The following BEND7 variants were observed in gnomAD, a reference collection of about 807,000 sequenced individuals.
The protein encoded by BEND7 is BEN domain-containing protein 7.
Under a neutral mutation model 50.9 loss-of-function variants are expected in BEND7, and 28 were observed. The observed-to-expected ratio is 0.55, with a 90% CI of 0.41 to 0.75. The LOEUF (loss-of-function observed/expected upper bound fraction) is 0.75, where lower values mean the gene tolerates loss of function less well. Among genes scored for constraint, BEND7 ranks in the 30% least tolerant of loss-of-function variants. BEND7 has a pLI of 0.00. For missense variants in BEND7, 477 were observed against 491.3 expected, an observed-to-expected ratio of 0.97 and a Z score of 0.28; for synonymous variants, 170 against 183.9, an observed-to-expected ratio of 0.92 and a Z score of 0.61.
chr10:13,487,634 C>T (rs2076329388), intron 5 of BEND7, among the ~76,000 whole-genome samples: 1 of 152,012 alleles, frequency 6.6e-6, no homozygotes, highest in Admixed American at 6.6e-5. Flanking sequence ...GATCTACTAG[C>T]CTCAGCCTCC....
chr10:13,499,750 C>T (rs755439140), intron 3 of BEND7, 28 bp downstream of exon 3: 1 of 1,570,010 alleles, frequency 6.4e-7, no homozygotes, highest in Non-Finnish European at 8.7e-7. Context: ...CCCATGAGAG[C>T]CTTCTGAATG....
intron 2 of BEND7, chr10:13,502,916 G>A (rs1218212760): frequency 1.0e-6 from 1 of 985,322 alleles, no homozygotes; most frequent in African/African-American, 1.7e-5. Context: ...CACATCACAG[G>A]AGAAGGGATG....
intron 8 of BEND7, chr10:13,442,582 C>T (rs41291323): frequency 1.3e-5 from 2 of 152,104 alleles, no homozygotes; most frequent in African/African-American, 2.4e-5. Context: ...ATACTAGGAA[C>T]CAAATAAATG....
intron 3 of BEND7, 185 bp from the exon 4 acceptor site, chr10:13,497,073 T>G: frequency 1.4e-6 from 1 of 731,164 alleles, no homozygotes; most frequent in Non-Finnish European, 2.1e-6. Flanking sequence ...GGGGTCTGAC[T>G]TTATCTAATT....
intron 5 of BEND7, among the ~76,000 whole-genome samples, chr10:13,488,086 C>CAAAAA (rs753018197): frequency 1.8e-4 from 12 of 68,496 alleles, no homozygotes; most frequent in Non-Finnish European, 2.5e-4. Context: ...GTCTCAATTA[C>CAAAAA]AAAAAAAAAA....
chr10:13,500,009 T>C lies in BEND7; in HGVS notation c.217A>G (p.Ile73Val). Residue 73 changes from isoleucine (I) to valine (V), a missense_variant, in exon 3 of 9, where the codon ATC (isoleucine) becomes GTC (valine). Ile to Val is a conservative substitution (Grantham distance 29). Transcript: ENST00000466271. Reference protein sequence around the residue: ...RRLLNDSTGRIYQRVGKEGEK... With the variant: ...RRLLNDSTGRVYQRVGKEGEK... ...CCTTCTTTGCCAACTCGCTGATAGA[T>C]CCGCCCAGTGCTGTCGTTCAGCAAT... 3.1e-6 allele frequency: 5 copies of C among 1,614,188 alleles called. No individual in the cohort carries two copies. In the South Asian group the frequency reaches 5.5e-5, roughly 18 times the overall value.
chr10:13,484,982 A>C (rs535988432), intron 5 of BEND7, among the ~76,000 whole-genome samples: 5 of 152,164 alleles, frequency 3.3e-5, no homozygotes, highest in Admixed American at 3.3e-4. Context: ...GACTTTCACG[A>C]ATTTGTTTCT....
At chr10:13,441,058 A>G, downstream of BEND7, 1 of 973,958 alleles carries the variant, frequency 1.0e-6, no homozygotes, top group Non-Finnish European at 1.2e-6. Context: ...ACACAGGAAG[A>G]CCGGCACACA....
At chr10:13,448,972 CAAAAAAAAAAA>C (rs35336154) in intron 7 of BEND7, among the ~76,000 whole-genome samples, 1 of 56,674 alleles carries the variant, frequency 1.8e-5, no homozygotes, top group South Asian at 5.7e-4. Context: ...GACTCCATCT[CAAAAAAAAAAA>C]AAAAAAAAGA....
intron 6 of BEND7, among the ~76,000 whole-genome samples, chr10:13,474,487 C>G (rs147306428): frequency 3.3e-5 from 5 of 152,088 alleles, no homozygotes; most frequent in African/African-American, 9.7e-5. Context: ...CTGTTACACT[C>G]GGGGCCGATA....
chr10:13,467,318 G>A (rs904432775), intron 6 of BEND7, among the ~76,000 whole-genome samples: 1 of 152,170 alleles, frequency 6.6e-6, no homozygotes, highest in African/African-American at 2.4e-5. Context: ...AAGTCTTCAG[G>A]TAGGAAAACT....
chr10:13,472,507 CATT>C (rs2074969884), intron 6 of BEND7, among the ~76,000 whole-genome samples: 1 of 151,030 alleles, frequency 6.6e-6, no homozygotes, highest in Non-Finnish European at 1.5e-5. Context: ...ATATCGTCAT[CATT>C]GTTAGACTTG....
intron 2 of BEND7, 74 bp from the exon 3 acceptor site, chr10:13,500,154 G>A: frequency 8.0e-7 from 1 of 1,252,376 alleles, no homozygotes; most frequent in Non-Finnish European, 1.1e-6. Flanking sequence ...AAAAAGAAGA[G>A]AAAGAAAAAC....
chr10:13,509,935 C>T (rs1430320474), intron 2 of BEND7, among the ~76,000 whole-genome samples: 1 of 152,200 alleles, frequency 6.6e-6, no homozygotes, highest in Admixed American at 6.5e-5. Flanking sequence ...CTTATTTCTC[C>T]TCCAAATGCT....
chr10:13,445,045 C>G (rs1359018057), intron 8 of BEND7: 1 of 152,152 alleles, frequency 6.6e-6, no homozygotes, highest in Non-Finnish European at 1.5e-5. Flanking sequence ...GTCTCGATCT[C>G]CTGACCTTGT....
intron 1 of BEND7, among the ~76,000 whole-genome samples, 183 bp downstream of exon 1, chr10:13,528,290 C>G (rs896540378): frequency 2.6e-5 from 4 of 151,842 alleles, no homozygotes; most frequent in African/African-American, 7.2e-5. Flanking sequence ...CTGCTCCCCC[C>G]GCACAACTTT....
At chr10:13,497,947 T>C (rs1456643964) in intron 3 of BEND7, among the ~76,000 whole-genome samples, 1 of 152,214 alleles carries the variant, frequency 6.6e-6, no homozygotes, top group Non-Finnish European at 1.5e-5. Context: ...AACTTAGTGA[T>C]TGTAGTGGTA....
chr10:13,502,426 A>G (rs1251908550), intron 2 of BEND7, among the ~76,000 whole-genome samples: 1 of 152,222 alleles, frequency 6.6e-6, no homozygotes, highest in Non-Finnish European at 1.5e-5. Flanking sequence ...AACTATTTCT[A>G]CTTCAAACCC....
At chr10:13,447,874 G>C (rs1229055257) in intron 7 of BEND7, among the ~76,000 whole-genome samples, 1 of 152,064 alleles carries the variant, frequency 6.6e-6, no homozygotes, top group East Asian at 1.9e-4. Flanking sequence ...CTTGAATATC[G>C]AACCAGCATG....
Sources: gnomAD v4.1 joint callset for allele counts (sites outside exome capture counted in the v4.1 genomes callset) on GRCh38, gnomAD v4.1.1 for gene constraint, MANE v1.5 for transcripts, NCBI Gene and HGNC (gene_info 2026-07-23, HGNC 2026-07-21) for gene names.